Variants in ZNF90 observed in about 807,000 individuals in gnomAD.
The protein encoded by ZNF90 is zinc finger protein HTF9.
A neutral mutation model predicts 12.0 loss-of-function variants in ZNF90; 11 were observed. The observed-to-expected ratio is 0.92, with a 90% CI of 0.58 to 1.52. The LOEUF (loss-of-function observed/expected upper bound fraction) is 1.52, where lower values mean the gene tolerates loss of function less well. Among genes scored for constraint, ZNF90 ranks in the 40% most tolerant of loss-of-function variants. ZNF90 has a pLI of 0.00. For synonymous variants in ZNF90, 232 were observed against 240.1 expected, an observed-to-expected ratio of 0.97 and a Z score of 0.31; for missense variants, 765 against 711.5, an observed-to-expected ratio of 1.08 and a Z score of -0.86.
At chr19:20,105,094 A>AT (rs1289509854) in intron 2 of ZNF90, 127 bp from the exon 3 acceptor site, 18 of 526,694 alleles carry the variant, frequency 3.4e-5, no homozygotes, top group East Asian at 1.4e-4. Flanking sequence ...ATCTTTTGAA[A>AT]TTTTTTTTAT....
At position 20,119,617 on chromosome 19, in the gene ZNF90, C is replaced by A; in HGVS notation, c.*257C>A. 13 of 321,850 alleles carry A rather than the reference C, an allele frequency of 4.0e-5. No homozygotes were observed. Among genetic ancestry groups the A allele is most frequent in the East Asian group, 1.2e-4 (2 of 17,382 alleles). 19.9% of individuals were successfully genotyped at this position (321,850 alleles called of 1,614,324 possible). ...TGCAGCAAAGCCTATAACAAGTTCT[C>A]AATTCTTTTTTTTTTTTTTTAAGAA... is the stretch of plus-strand genomic sequence containing the variant. On this transcript the variant is annotated 3_prime_UTR_variant, in exon 4 of 4. Coordinates refer to ENST00000418063, the MANE Select transcript of ZNF90 (RefSeq NM_007138.2).
intron 1 of ZNF90, among the ~76,000 whole-genome samples, chr19:20,088,514 G>T (rs1464717534): frequency 2.6e-5 from 4 of 152,176 alleles, no homozygotes; most frequent in South Asian, 4.1e-4. Context: ...GAGTGCCCAA[G>T]GGGGTTCAGC....
chr19:20,093,714 C>T (rs1396698943), intron 1 of ZNF90, among the ~76,000 whole-genome samples: 1 of 152,046 alleles, frequency 6.6e-6, no homozygotes, highest in Non-Finnish European at 1.5e-5. Flanking sequence ...ATACTCACAA[C>T]AGTTATGGGG....
intron 1 of ZNF90, among the ~76,000 whole-genome samples, chr19:20,082,275 A>C (rs73536230): frequency 6.6e-6 from 1 of 151,984 alleles, no homozygotes; most frequent in Non-Finnish European, 1.5e-5. Context: ...TGTTGTGTTC[A>C]TGTGTTCTTA....
rs782080839 is a variant in ZNF90 at position 20,104,377 on chromosome 19, T to C, written c.130+12T>C. On this transcript the variant is annotated intron_variant, in intron 2 of 3. Coordinates refer to ENST00000418063, the MANE Select transcript of ZNF90 (RefSeq NM_007138.2). ...CCTGGTCTTCCTTGGTGAGGATAAGTGGAATACATAATTCATAATATACCC... is the reference window on the plus strand; with the variant it reads ...CCTGGTCTTCCTTGGTGAGGATAAGCGGAATACATAATTCATAATATACCC... 58 of 1,608,008 alleles carry C rather than the reference T, an allele frequency of 3.6e-5. No individual in the cohort carries two copies. In the Middle Eastern group the frequency reaches 5.0e-4, roughly 14 times the overall value.
At position 20,104,283 on chromosome 19, in the gene ZNF90, G is replaced by C; in HGVS notation, c.48G>C (p.Glu16Asp). 1 of 1,614,082 alleles carries C rather than the reference G, an allele frequency of 6.2e-7. No homozygotes were observed. Among genetic ancestry groups the C allele is most frequent in the Non-Finnish European group, 8.5e-7 (1 of 1,179,980 alleles). Residue 16 changes from glutamate to aspartate, a missense_variant, in exon 2 of 4, where the codon GAG becomes GAC. By Grantham distance (45) the Glu-to-Asp change is conservative (BLOSUM62 2). Coordinates refer to ENST00000418063, the MANE Select transcript of ZNF90 (RefSeq NM_007138.2). ...FRDVAIEFSL[E>D]EWHCLDTAQQ... is the part of the protein sequence containing the mutation. ...ATGTGGCCATAGAATTCTCTCTGGA[G>C]GAGTGGCATTGCCTGGACACTGCAC...
At chr19:20,079,819 T>C (rs1223706151) in intron 1 of ZNF90, 1 of 322,830 alleles carries the variant, frequency 3.1e-6, no homozygotes, top group East Asian at 8.8e-5. Context: ...TGTAATCTCA[T>C]CTGCTCGGCC....
In ZNF90 at chr19:20,119,613, T is replaced by G; in HGVS notation, c.*253T>G. 1 of 358,924 alleles carries G rather than the reference T, an allele frequency of 2.8e-6. No individual in the cohort carries two copies. Among genetic ancestry groups the G allele is most frequent in the Non-Finnish European group, 4.9e-6 (1 of 202,432 alleles). 22.2% of individuals were successfully genotyped at this position (358,924 alleles called of 1,614,324 possible). A position where few individuals can be genotyped will look rare whatever the true frequency, so the allele number is the denominator to read the frequency against. On this transcript the variant is annotated 3_prime_UTR_variant, in exon 4 of 4. Coordinates refer to ENST00000418063, the MANE Select transcript of ZNF90 (RefSeq NM_007138.2). ...AAAATGCAGCAAAGCCTATAACAAG[T>G]TCTCAATTCTTTTTTTTTTTTTTTA...
chr19:20,097,278 G>A (rs541332482), intron 1 of ZNF90, among the ~76,000 whole-genome samples: 4 of 152,146 alleles, frequency 2.6e-5, no homozygotes, highest in Non-Finnish European at 4.4e-5. Flanking sequence ...AACACATAAG[G>A]TGCCAATGAG....
intron 1 of ZNF90, among the ~76,000 whole-genome samples, chr19:20,079,529 A>G (rs59445264): frequency 0.015 from 2,267 of 152,252 alleles, 52 homozygotes; most frequent in African/African-American, 0.052. Flanking sequence ...GGCTTGCAAA[A>G]ACGTAGGCAG....
rs782651701 is a variant in ZNF90, at chr19:20,119,351, A to T, written c.1797A>T (p.Ala599=). 1.3e-6 allele frequency: 2 copies of T among 1,578,086 alleles called. No individual in the cohort carries two copies. The highest frequency in any genetic ancestry group is 2.3e-5 in the South Asian group (2 of 87,294). Residue 599 remains alanine (A), a synonymous_variant, in exon 4 of 4, where the codon GCA becomes GCT. Transcript: ENST00000418063. ...AAGCCTACATAGTGAAGAACATGGCAAATCTTTGAAATATTCCTCAACCCT... is the reference window on the plus strand; with the variant it reads ...AAGCCTACATAGTGAAGAACATGGCTAATCTTTGAAATATTCCTCAACCCT... The part of the protein sequence containing the change: ...GQKAYIVKNM[A]NL
chr19:20,119,325 A>G lies in ZNF90; in HGVS notation c.1771A>G (p.Lys591Glu), dbSNP rs782224570. The change falls in exon 4 of 4, where the codon AAA becomes GAA. Residue 591 changes from lysine to glutamate, a missense_variant. Coordinates refer to ENST00000418063, the MANE Select transcript of ZNF90 (RefSeq NM_007138.2). ...NTHKRIHIGQ[K>E]AYIVKNMANL ...ACATAAGAGGATTCATATTGGACAG[A>G]AAGCCTACATAGTGAAGAACATGGC... 1.2e-6 allele frequency: 2 copies of G among 1,603,764 alleles called. No homozygotes were observed. The highest frequency in any genetic ancestry group is 1.7e-6 in the Non-Finnish European group (2 of 1,174,834).
intron 1 of ZNF90, among the ~76,000 whole-genome samples, chr19:20,100,589 TC>T (rs1344971156): frequency 6.6e-6 from 1 of 152,036 alleles, no homozygotes; most frequent in African/African-American, 2.4e-5. Flanking sequence ...CCAGGAAATC[TC>T]AACTGCATGA....
At chr19:20,091,384 A>G (rs1347571043) in intron 1 of ZNF90, among the ~76,000 whole-genome samples, 1 of 152,212 alleles carries the variant, frequency 6.6e-6, no homozygotes, top group Middle Eastern at 3.2e-3. Context: ...TGTAACCTAC[A>G]TGGAAGAGGT....
intron 1 of ZNF90, among the ~76,000 whole-genome samples, chr19:20,080,869 G>T (rs181396385): frequency 1.7e-4 from 26 of 151,910 alleles, no homozygotes; most frequent in Admixed American, 5.2e-4. Context: ...GTTGTTTGAC[G>T]TTCAGCAAAC....
chr19:20,108,012 GA>G lies in ZNF90; in HGVS notation c.226+2704del, dbSNP rs1462903382. Among the ~76,000 whole-genome samples, 5 of 151,700 alleles carry G rather than the reference GA, an allele frequency of 3.3e-5. No individual in the cohort carries two copies. The East Asian group carries it at 5.8e-4, about 18-fold the overall frequency. ...TATCAGAGGGTCTAACCCTATTCTG[GA>G]AAAAAAATATATATTTTTTCTATAT... On this transcript the variant is annotated intron_variant, in intron 3 of 3. Transcript: ENST00000418063.
chr19:20,109,059 A>G (rs568681976), intron 3 of ZNF90, among the ~76,000 whole-genome samples: 1 of 152,036 alleles, frequency 6.6e-6, no homozygotes, highest in African/African-American at 2.4e-5. Context: ...TATTGTGTCT[A>G]TTGGTTTTAC....
At chr19:20,086,570 AC>A (rs1289534855) in intron 1 of ZNF90, among the ~76,000 whole-genome samples, 1 of 152,138 alleles carries the variant, frequency 6.6e-6, no homozygotes, top group African/African-American at 2.4e-5. Flanking sequence ...TGCACTACTT[AC>A]TTTGAATTAA....
chr19:20,106,037 A>ATTTTTTCT, intron 3 of ZNF90, among the ~76,000 whole-genome samples: 1 of 40,892 alleles, frequency 2.4e-5, no homozygotes, highest in Non-Finnish European at 4.4e-5. Flanking sequence ...AACTTCTCTA[A>ATTTTTTCT]TTTTTTCTTT....
Sources: gnomAD v4.1 joint callset for allele counts (sites outside exome capture counted in the v4.1 genomes callset) on GRCh38, gnomAD v4.1.1 for gene constraint, MANE v1.5 for transcripts, NCBI Gene and HGNC (gene_info 2026-07-23, HGNC 2026-07-21) for gene names.